MICAL3: variants seen among roughly 807,000 people sequenced by gnomAD.
The protein encoded by MICAL3 is microtubule associated monooxygenase, calponin and LIM domain containing 3, also known as [F-actin]-monooxygenase MICAL3.
A neutral mutation model predicts 207.4 loss-of-function variants in MICAL3; 62 were observed. The observed-to-expected ratio is 0.30, with a 90% CI of 0.24 to 0.37. The LOEUF (loss-of-function observed/expected upper bound fraction) is 0.37. MICAL3 is among the 10% of genes least tolerant of loss of function. MICAL3 has a pLI of 1.00. For missense variants in MICAL3, 2,368 were observed against 2,635.6 expected (o/e 0.90, Z 2.22); for synonymous variants, 1,077 against 1,069.3 (o/e 1.01, Z -0.14).
chr22:17,857,487 G>A (rs901820006), intron 19 of MICAL3, among the ~76,000 whole-genome samples: 4 of 152,220 alleles, frequency 2.6e-5, no homozygotes, highest in African/African-American at 4.8e-5. Context: ...TGGGGAACAC[G>A]GCCTGCGGCG....
intron 22 of MICAL3, among the ~76,000 whole-genome samples, chr22:17,824,917 A>T (rs2146026511): frequency 6.6e-6 from 1 of 152,376 alleles, no homozygotes. Flanking sequence ...TCTGAAAAGG[A>T]GGAACAAACG....
chr22:17,795,130 C>G (rs532772864), intron 29 of MICAL3, among the ~76,000 whole-genome samples: 22 of 152,336 alleles, frequency 1.4e-4, no homozygotes, highest in Non-Finnish European at 2.4e-4. Context: ...AAAACCAAAG[C>G]CAGGGACAGT....
chr22:17,875,511 T>C (rs1193394595), intron 16 of MICAL3: 1 of 1,555,780 alleles, frequency 6.4e-7, no homozygotes. Flanking sequence ...AAGAGAAAGC[T>C]CCCACTGGTC....
chr22:17,963,233 C>T (rs1350009691), intron 1 of MICAL3, among the ~76,000 whole-genome samples: 1 of 152,100 alleles, frequency 6.6e-6, no homozygotes, highest in Non-Finnish European at 1.5e-5. Context: ...CCACCTCAGC[C>T]TCCCAAGTAG....
In MICAL3 at chr22:17,904,705, G is replaced by A. The variant is rs1424982382; in HGVS notation, c.399C>T (p.Thr133=). Residue 133 remains threonine, a synonymous_variant, in exon 3 of 32, where the codon ACC becomes ACT. Coordinates refer to ENST00000441493, the MANE Select transcript of MICAL3 (RefSeq NM_015241.3). ...RNNVLHLWPF[T]IHDLRGLGAK... The stretch of plus-strand genomic sequence containing the variant: ...CACCCAGACCTCGTAGATCATGTAT[G>A]GTGAATGGCCAGAGATGCAAGACGT... The A allele has an allele frequency of 6.2e-7, 1 of 1,613,954 alleles. No homozygotes were observed. Among genetic ancestry groups the A allele is most frequent in the Non-Finnish European group, 8.5e-7 (1 of 1,179,944 alleles).
At chr22:17,864,503 G>C in intron 19 of MICAL3, 1 of 1,431,226 alleles carries the variant, frequency 7.0e-7, no homozygotes, top group Non-Finnish European at 9.1e-7. Flanking sequence ...GAGTGGCCTT[G>C]GCCTCACCAG....
intron 1 of MICAL3, among the ~76,000 whole-genome samples, chr22:17,931,512 A>T (rs1301212209): frequency 6.6e-6 from 1 of 152,188 alleles, no homozygotes; most frequent in Non-Finnish European, 1.5e-5. Context: ...TGCTATATAA[A>T]TAGCCAACAG....
chr22:17,850,215 G>A (rs1303290285), intron 19 of MICAL3, among the ~76,000 whole-genome samples: 1 of 151,942 alleles, frequency 6.6e-6, no homozygotes, highest in East Asian at 1.9e-4. Flanking sequence ...GAACAAACCA[G>A]TTCTGTACCA....
chr22:17,810,578 G>A, intron 28 of MICAL3, 125 bp downstream of exon 28: 2 of 711,872 alleles, frequency 2.8e-6, no homozygotes, highest in Non-Finnish European at 4.7e-6. Context: ...TGGGTGGCAG[G>A]GAGGCCCGTC....
chr22:17,817,520 G>A lies in MICAL3; in HGVS notation c.5141C>T (p.Ser1714Phe). ...SPRRNKKEKK[S>F]KGEGRPPEKP... ...CTCCGGGGGCCGGCCCTCGCCTTTGGACTTCTTCTCCTTCTTGTTTCTGCG... is the reference window on the plus strand; with the variant it reads ...CTCCGGGGGCCGGCCCTCGCCTTTGAACTTCTTCTCCTTCTTGTTTCTGCG... Residue 1714 changes from serine (S) to phenylalanine (F), a missense_variant, in exon 26 of 32, where the codon TCC becomes TTC. Coordinates refer to ENST00000441493, the MANE Select transcript of MICAL3 (RefSeq NM_015241.3). 6.2e-7 allele frequency: 1 copy of A among 1,613,636 alleles called. No individual in the cohort carries two copies. Among genetic ancestry groups the A allele is most frequent in the Non-Finnish European group, 8.5e-7 (1 of 1,179,834 alleles).
At chr22:17,811,889 C>T (rs565857136) in intron 27 of MICAL3, among the ~76,000 whole-genome samples, 9 of 152,244 alleles carry the variant, frequency 5.9e-5, no homozygotes, top group Admixed American at 2.6e-4. Flanking sequence ...GGACTATAGG[C>T]GTGTGCCACC....
At chr22:17,798,823 G>A (rs528096408) in intron 29 of MICAL3, among the ~76,000 whole-genome samples, 355 of 151,734 alleles carry the variant, frequency 2.3e-3, no homozygotes, top group Admixed American at 4.7e-3. Context: ...ACAGGCGCCC[G>A]CCACCACACC....
rs372177695 is a variant in MICAL3 at position 17,799,707 on chromosome 22, G to A, written c.5651-8406C>T. Among the ~76,000 whole-genome samples, 22 of 152,326 alleles carry A rather than the reference G, an allele frequency of 1.4e-4. No homozygotes were observed. The East Asian group carries it at 2.1e-3, about 15-fold the overall frequency. ...CCCTGACAGGGGTCCCAGCTGGCTGGTGTGCAATACTGCAGACATGCAAGC... is the reference window on the plus strand; with the variant it reads ...CCCTGACAGGGGTCCCAGCTGGCTGATGTGCAATACTGCAGACATGCAAGC... On this transcript the variant is annotated intron_variant, in intron 29 of 31. Coordinates refer to ENST00000441493, the MANE Select transcript of MICAL3 (RefSeq NM_015241.3).
At chr22:17,836,489 G>A (rs1272827713) in intron 20 of MICAL3, among the ~76,000 whole-genome samples, 1 of 152,140 alleles carries the variant, frequency 6.6e-6, no homozygotes, top group Non-Finnish European at 1.5e-5. Flanking sequence ...AGAGTTCCCA[G>A]CCAGTAGCCT....
chr22:17,824,212 G>A (rs535566542), intron 22 of MICAL3, among the ~76,000 whole-genome samples: 2 of 152,232 alleles, frequency 1.3e-5, no homozygotes, highest in South Asian at 2.1e-4. Flanking sequence ...GGGGGCCTGC[G>A]GGCTCTCCTA....
In MICAL3 at chr22:18,011,298, C is replaced by T. The variant is rs144263782; in HGVS notation, c.-75+12983G>A. On this transcript the variant is annotated intron_variant, in intron 1 of 31. Transcript: ENST00000441493. ...CAGTGGCTCATGCCTGTAATCCCAG[C>T]ACTTTGGGAGGCCTAGGAAGGCGGA... Among the ~76,000 whole-genome samples the T allele has an allele frequency of 2.3e-3, 345 of 152,324 alleles. 1 individual carries two copies. The highest frequency in any genetic ancestry group is 7.5e-3 in the African/African-American group (312 of 41,574).
At chr22:17,877,529 G>GGAGGTT (rs1928930255) in intron 16 of MICAL3, among the ~76,000 whole-genome samples, 6 of 41,878 alleles carry the variant, frequency 1.4e-4, no homozygotes, top group Admixed American at 2.5e-4. Flanking sequence ...TTAGGGAGGT[G>GGAGGTT]AGGGAGGTTA....
chr22:17,875,313 A>G lies in MICAL3; in HGVS notation c.2242-3290T>C, dbSNP rs577491145. The G allele has an allele frequency of 6.1e-6, 3 of 490,394 alleles. No homozygotes were observed. In the Admixed American group the frequency reaches 1.3e-4, roughly 22 times the overall value. 30.4% of individuals were successfully genotyped at this position (490,394 alleles called of 1,614,324 possible). ...GACCGACACAGGCAAACAGCAACAC[A>G]TGCAGCTGGCTCCCTACAGGAGACG... On this transcript the variant is annotated intron_variant, in intron 16 of 31. Transcript: ENST00000441493.
chr22:17,873,798 C>T (rs1927968705), intron 16 of MICAL3, among the ~76,000 whole-genome samples: 1 of 152,274 alleles, frequency 6.6e-6, no homozygotes, highest in Admixed American at 6.5e-5. Flanking sequence ...CCGCCTTGAC[C>T]TGTCCCGAGA....
Sources: allele counts gnomAD v4.1 joint callset (sites outside exome capture counted in the v4.1 genomes callset), GRCh38; gene constraint gnomAD v4.1.1; transcripts MANE v1.5; gene names NCBI Gene and HGNC (gene_info 2026-07-23, HGNC 2026-07-21).